RYR2: variants seen among roughly 807,000 people sequenced by gnomAD.
The protein encoded by RYR2 is ryanodine receptor 2, also known as cardiac muscle ryanodine receptor-calcium release channel.
In RYR2, 227 loss-of-function variants were observed where a neutral mutation model predicts 601.1. The observed-to-expected ratio is 0.38, with a 90% confidence interval of 0.34 to 0.42. The LOEUF (loss-of-function observed/expected upper bound fraction) is 0.42. Ranked by LOEUF, RYR2 falls within the 10% of genes least tolerant of loss-of-function variation. The pLI, the probability that RYR2 is intolerant of heterozygous loss-of-function variation, is 1.00. For missense variants in RYR2, 4,646 were observed against 6,156.5 expected (o/e 0.75, Z 8.21); for synonymous variants, 2,223 against 2,175.1 (o/e 1.02, Z -0.61).
chr1:237,274,073 TTA>T (rs1390333285), intron 2 of RYR2, among the ~76,000 whole-genome samples: 2 of 147,190 alleles, frequency 1.4e-5, no homozygotes, highest in Non-Finnish European at 3.0e-5. Flanking sequence ...TACCTTTATA[TTA>T]TATATATTTA....
chr1:237,044,767 C>G (rs1363720162), intron 1 of RYR2, among the ~76,000 whole-genome samples: 1 of 147,652 alleles, frequency 6.8e-6, no homozygotes, highest in East Asian at 2.0e-4. Context: ...ACCCTCCATC[C>G]TTCCCTCCCC....
chr1:237,127,515 G>A (rs980940029), intron 1 of RYR2, among the ~76,000 whole-genome samples: 1 of 149,726 alleles, frequency 6.7e-6, no homozygotes. Flanking sequence ...GCGGGGGGCT[G>A]ATGCCCCCAC....
At chr1:237,743,017 C>T (rs1170722944) in intron 80 of RYR2, among the ~76,000 whole-genome samples, 2 of 152,162 alleles carry the variant, frequency 1.3e-5, no homozygotes, top group Non-Finnish European at 1.5e-5. Flanking sequence ...TGAGGAAAAG[C>T]TAGTTGTTGC....
intron 62 of RYR2, 86 bp downstream of exon 62, chr1:237,680,663 T>G: frequency 1.0e-6 from 1 of 988,336 alleles, no homozygotes; most frequent in South Asian, 1.7e-5. Flanking sequence ...GAAGTGGGGC[T>G]GTACGGAGAG....
intron 96 of RYR2, among the ~76,000 whole-genome samples, chr1:237,797,208 T>C (rs1272692629): frequency 6.6e-6 from 1 of 151,980 alleles, no homozygotes; most frequent in African/African-American, 2.4e-5. Context: ...CAAGCCCTGC[T>C]CTAAAAACAT....
chr1:237,491,535 T>G (rs1334440548), intron 17 of RYR2, among the ~76,000 whole-genome samples: 1 of 152,220 alleles, frequency 6.6e-6, no homozygotes, highest in Non-Finnish European at 1.5e-5. Flanking sequence ...GTGTACGCCC[T>G]CCTTCGGGTA....
rs923332939 is a variant in RYR2, at chr1:237,591,721, T to G, written c.4161-18T>G. On this transcript the variant is annotated intron_variant, in intron 31 of 104. Coordinates refer to ENST00000366574, the MANE Select transcript of RYR2 (RefSeq NM_001035.3). Reference sequence around the variant, plus strand: ...ACATTTTAATGTTGCTTATTGTTAGTCCTCTGAAATATTTCAGATTTTTGC... The same window carrying G: ...ACATTTTAATGTTGCTTATTGTTAGGCCTCTGAAATATTTCAGATTTTTGC... 1.3e-6 allele frequency: 2 copies of G among 1,556,438 alleles called. No homozygotes were observed. The highest frequency in any genetic ancestry group is 3.4e-5 in the Admixed American group (2 of 58,922).
At chr1:237,486,516 G>A (rs1244603600) in intron 17 of RYR2, among the ~76,000 whole-genome samples, 1 of 146,804 alleles carries the variant, frequency 6.8e-6, no homozygotes, top group Admixed American at 6.9e-5. Context: ...CTTGGATGAA[G>A]TATAAGACTT....
At chr1:237,404,390 A>G (rs1397744940) in intron 10 of RYR2, among the ~76,000 whole-genome samples, 1 of 152,256 alleles carries the variant, frequency 6.6e-6, no homozygotes, top group African/African-American at 2.4e-5. Context: ...TCCTGTTATA[A>G]TAAGCCAAGA....
intron 58 of RYR2, among the ~76,000 whole-genome samples, chr1:237,673,130 T>G (rs948577601): frequency 6.6e-6 from 1 of 152,206 alleles, no homozygotes; most frequent in East Asian, 1.9e-4. Context: ...ACAATATTTA[T>G]TCTCAATTAT....
chr1:237,249,065 G>A (rs555105315), intron 1 of RYR2, among the ~76,000 whole-genome samples: 6 of 152,070 alleles, frequency 3.9e-5, no homozygotes, highest in Non-Finnish European at 8.8e-5. Context: ...GCGCCCGGCC[G>A]AACAAATGTA....
chr1:237,455,361 A>G (rs934400430), intron 15 of RYR2, among the ~76,000 whole-genome samples: 1 of 152,102 alleles, frequency 6.6e-6, no homozygotes, highest in Non-Finnish European at 1.5e-5. Context: ...AAAAAAGGTT[A>G]TTCATTGAGT....
intron 1 of RYR2, among the ~76,000 whole-genome samples, chr1:237,073,148 T>C (rs1664593108): frequency 6.6e-6 from 1 of 152,178 alleles, no homozygotes; most frequent in Non-Finnish European, 1.5e-5. Context: ...TTAAGGAATT[T>C]GGATTTTATC....
At chr1:237,185,903 C>T (rs1679290030) in intron 1 of RYR2, among the ~76,000 whole-genome samples, 1 of 152,204 alleles carries the variant, frequency 6.6e-6, no homozygotes, top group Non-Finnish European at 1.5e-5. Flanking sequence ...GACACTTCTG[C>T]CACACAGTCT....
chr1:237,661,660 T>G (rs1683810344), intron 56 of RYR2, among the ~76,000 whole-genome samples: 1 of 152,106 alleles, frequency 6.6e-6, no homozygotes, highest in African/African-American at 2.4e-5. Flanking sequence ...AGTAGGGTGT[T>G]CAGACAGTCA....
intron 24 of RYR2, among the ~76,000 whole-genome samples, chr1:237,523,441 A>T (rs559927475): frequency 1.3e-5 from 2 of 152,316 alleles, no homozygotes; most frequent in South Asian, 4.1e-4. Flanking sequence ...CTGATTTAAA[A>T]ATTGGCAAAA....
chr1:237,725,677 T>G (rs532682318), intron 74 of RYR2, among the ~76,000 whole-genome samples: 1 of 152,222 alleles, frequency 6.6e-6, no homozygotes, highest in South Asian at 2.1e-4. Context: ...AGATAACTAT[T>G]TACTTATCAT....
At chr1:237,793,376 A>T (rs1387138469) in intron 94 of RYR2, among the ~76,000 whole-genome samples, 1 of 152,216 alleles carries the variant, frequency 6.6e-6, no homozygotes, top group Non-Finnish European at 1.5e-5. Context: ...TGACAAACTG[A>T]CAGATTTTTG....
intron 96 of RYR2, 58 bp downstream of exon 96, chr1:237,795,389 G>A: frequency 1.2e-6 from 1 of 839,368 alleles, no homozygotes; most frequent in East Asian, 2.9e-5. Flanking sequence ...ATTTTTATTT[G>A]ATGTGATTCA....
Sources: allele counts gnomAD v4.1 joint callset (sites outside exome capture counted in the v4.1 genomes callset), GRCh38; gene constraint gnomAD v4.1.1; transcripts MANE v1.5; gene names NCBI Gene and HGNC (gene_info 2026-07-23, HGNC 2026-07-21).